Variants in CHD7 observed in about 807,000 individuals in gnomAD.
CHD7 encodes the protein ATP-dependent chromatin remodeler CHD7.
Under a neutral mutation model 307.3 loss-of-function variants are expected in CHD7, and 24 were observed. The observed-to-expected ratio is 0.08, with a 90% CI of 0.06 to 0.11. CHD7 has a LOEUF of 0.11. CHD7 is among the 10% of genes least tolerant of loss of function. The probability of loss-of-function intolerance (pLI) is 1.00; values close to 1 mark genes in which losing one functional copy is unlikely to be tolerated. For synonymous variants in CHD7, 1,363 were observed against 1,349.9 expected (o/e 1.01, Z -0.21); for missense variants, 3,106 against 3,727.1 (o/e 0.83, Z 4.34).
At chr8:60,860,495 C>T (rs1371821370) in intron 34 of CHD7, among the ~76,000 whole-genome samples, 2 of 152,236 alleles carry the variant, frequency 1.3e-5, no homozygotes, top group African/African-American at 4.8e-5. Flanking sequence ...AGTGCAGTGG[C>T]ACAGTCTCTG....
At chr8:60,815,468 T>C (rs1586377031) in intron 7 of CHD7, among the ~76,000 whole-genome samples, 2 of 151,752 alleles carry the variant, frequency 1.3e-5, no homozygotes, top group African/African-American at 4.8e-5. Context: ...AGGGAGAGGG[T>C]GATGGGACAA....
intron 13 of CHD7, 31 bp downstream of exon 13, chr8:60,824,047 C>A (rs1335805371): frequency 6.3e-7 from 1 of 1,589,052 alleles, no homozygotes; most frequent in Non-Finnish European, 8.6e-7. Context: ...TTGCACTGAA[C>A]CTGAATAGAA....
At chr8:60,794,194 A>G (rs77276757) in intron 3 of CHD7, among the ~76,000 whole-genome samples, 3,230 of 152,286 alleles carry the variant, frequency 0.021, 99 homozygotes, top group African/African-American at 0.063. Flanking sequence ...ACATAAAGTC[A>G]GGTAAAGGTT....
At chr8:60,777,555 C>T (rs531203145) in intron 2 of CHD7, among the ~76,000 whole-genome samples, 2 of 152,144 alleles carry the variant, frequency 1.3e-5, no homozygotes, top group Non-Finnish European at 2.9e-5. Context: ...GTTGGATTTG[C>T]TTAAAAGAAG....
intron 2 of CHD7, among the ~76,000 whole-genome samples, chr8:60,775,347 T>TGCTTTTACTACTTTATAA (rs1810899641): frequency 2.0e-5 from 3 of 152,240 alleles, no homozygotes; most frequent in Non-Finnish European, 4.4e-5. Flanking sequence ...CATTCTTATA[T>TGCTTTTACTACTTTATAA]GCTTATACTA....
chr8:60,852,953 G>A lies in CHD7; in HGVS notation c.6228G>A (p.Glu2076=), dbSNP rs1435874008. The A allele has an allele frequency of 1.9e-6, 3 of 1,614,018 alleles. No individual in the cohort carries two copies. In the South Asian group the frequency reaches 3.3e-5, roughly 18 times the overall value. The change falls in exon 31 of 38, where the codon GAG becomes GAA. Residue 2076 remains glutamate (E), a synonymous_variant. Transcript: ENST00000423902. ...TTCTCCATCACCCCCAGCTGGGAGA[G>A]AGGCTTAAGCTCTGCCAGCCAAGCT... ...EQVLHHPQLG[E]RLKLCQPSLD...
chr8:60,806,238 C>T (rs976621233), intron 6 of CHD7, among the ~76,000 whole-genome samples: 1 of 152,116 alleles, frequency 6.6e-6, no homozygotes, highest in African/African-American at 2.4e-5. Flanking sequence ...GTGGCGGGGC[C>T]TGTAGTCCCA....
chr8:60,680,351 G>A (rs1586150801), intron 1 of CHD7, among the ~76,000 whole-genome samples: 2 of 144,698 alleles, frequency 1.4e-5, no homozygotes, highest in East Asian at 2.0e-4. Flanking sequence ...GGCACCGGCT[G>A]GGCTGCGGTG....
rs571163786 is a variant in CHD7 at position 60,685,670 on chromosome 8, A to C, written c.-175+6588A>C. ...AATACCAATGTTTATCAGAATACTTACCTGGTTTTTAGTGGAGTATGTATA... is the reference window on the plus strand; with the variant it reads ...AATACCAATGTTTATCAGAATACTTCCCTGGTTTTTAGTGGAGTATGTATA... On this transcript the variant is annotated intron_variant, in intron 1 of 37. Transcript: ENST00000423902. Among the ~76,000 whole-genome samples the C allele has an allele frequency of 2.6e-4, 39 of 152,322 alleles. No individual in the cohort carries two copies. The South Asian group carries it at 7.9e-3, about 31-fold the overall frequency.
chr8:60,815,000 G>C (rs1803658309), intron 7 of CHD7, among the ~76,000 whole-genome samples: 1 of 152,190 alleles, frequency 6.6e-6, no homozygotes, highest in South Asian at 2.1e-4. Flanking sequence ...TCGAGTTTTA[G>C]AGCATTTTGA....
chr8:60,715,574 C>T (rs907057560), intron 1 of CHD7, among the ~76,000 whole-genome samples: 19 of 152,102 alleles, frequency 1.2e-4, no homozygotes, highest in Non-Finnish European at 4.4e-5. Flanking sequence ...CTGCCTTGGC[C>T]TCCTAAAATG....
At chr8:60,684,578 T>G (rs1805789764) in intron 1 of CHD7, among the ~76,000 whole-genome samples, 1 of 152,160 alleles carries the variant, frequency 6.6e-6, no homozygotes, top group Admixed American at 6.5e-5. Flanking sequence ...GCTTTAGCAT[T>G]ACCATCTGAA....
chr8:60,700,340 G>C (rs185349146), intron 1 of CHD7, among the ~76,000 whole-genome samples: 1 of 152,264 alleles, frequency 6.6e-6, no homozygotes, highest in East Asian at 1.9e-4. Context: ...TGATTGTTCT[G>C]GAGTAGGTGT....
At chr8:60,795,652 A>G (rs1038822685) in intron 4 of CHD7, among the ~76,000 whole-genome samples, 1 of 152,112 alleles carries the variant, frequency 6.6e-6, no homozygotes, top group African/African-American at 2.4e-5. Flanking sequence ...CCAAATGGCA[A>G]CTCTGCAGAA....
intron 1 of CHD7, among the ~76,000 whole-genome samples, chr8:60,703,830 C>T (rs1232709760): frequency 6.6e-6 from 1 of 152,336 alleles, no homozygotes; most frequent in Middle Eastern, 3.4e-3. Context: ...AAACTCCTAC[C>T]TCTCCCTGAG....
intron 2 of CHD7, among the ~76,000 whole-genome samples, chr8:60,776,659 T>C (rs1256124449): frequency 6.6e-6 from 1 of 152,202 alleles, no homozygotes; most frequent in Non-Finnish European, 1.5e-5. Flanking sequence ...AATATATGAA[T>C]TGGGTACTAG....
At position 60,845,014 on chromosome 8, in the gene CHD7, G is replaced by A. The variant is rs1195740462; in HGVS notation, c.5001G>A (p.Leu1667=). 3.7e-6 allele frequency: 6 copies of A among 1,613,972 alleles called. No homozygotes were observed. The South Asian group carries it at 5.5e-5, about 15-fold the overall frequency. Residue 1667 remains leucine (L), a synonymous_variant, in exon 22 of 38, where the codon CTG becomes CTA. Coordinates refer to ENST00000423902, the MANE Select transcript of CHD7 (RefSeq NM_017780.4). ...ATATCAAAAGCTTCATCTGGGATCT[G>A]ATCACACCCACAGCGGATGGCCAGA... ...DENIKSFIWD[L]ITPTADGQTR...
At chr8:60,777,883 A>G (rs909752459) in intron 2 of CHD7, among the ~76,000 whole-genome samples, 64 of 152,354 alleles carry the variant, frequency 4.2e-4, no homozygotes, top group African/African-American at 1.4e-3. Context: ...TATGTCAAGC[A>G]GAAAGTTTGA....
intron 7 of CHD7, among the ~76,000 whole-genome samples, chr8:60,815,498 G>A (rs1001786304): frequency 2.0e-5 from 3 of 152,164 alleles, no homozygotes; most frequent in African/African-American, 7.2e-5. Flanking sequence ...GAAGAACTAA[G>A]CAAAAGAATG....
Sources: gnomAD v4.1 joint callset for allele counts (sites outside exome capture counted in the v4.1 genomes callset) on GRCh38, gnomAD v4.1.1 for gene constraint, MANE v1.5 for transcripts, NCBI Gene and HGNC (gene_info 2026-07-23, HGNC 2026-07-21) for gene names.